FMNL2: variants seen among roughly 807,000 people sequenced by gnomAD.
FMNL2 encodes formin-like protein 2.
A neutral mutation model predicts 130.2 loss-of-function variants in FMNL2; 51 were observed. That is an observed-to-expected ratio of 0.39 (90% CI 0.31 to 0.49). The LOEUF (loss-of-function observed/expected upper bound fraction) is 0.49, where lower values mean the gene tolerates loss of function less well. Ranked by LOEUF, FMNL2 falls within the 20% of genes least tolerant of loss-of-function variation. The pLI is 0.85. For missense variants in FMNL2, 977 were observed against 1,316.2 expected, an observed-to-expected ratio of 0.74 and a Z score of 3.99; for synonymous variants, 465 against 467.1, an observed-to-expected ratio of 1.00 and a Z score of 0.06.
At chr2:152,637,080 T>G (rs1019984241) in intron 22 of FMNL2, among the ~76,000 whole-genome samples, 18 of 152,200 alleles carry the variant, frequency 1.2e-4, no homozygotes, top group African/African-American at 4.1e-4. Context: ...TGGAAGGGCC[T>G]CTGGTTTGGG....
intron 1 of FMNL2, among the ~76,000 whole-genome samples, chr2:152,406,549 G>A (rs1239496252): frequency 6.6e-6 from 1 of 152,130 alleles, no homozygotes; most frequent in African/African-American, 2.4e-5. Context: ...TCCTTCTACA[G>A]CCCACACTTT....
At chr2:152,489,718 A>G (rs1691035234) in intron 1 of FMNL2, among the ~76,000 whole-genome samples, 2 of 152,110 alleles carry the variant, frequency 1.3e-5, no homozygotes, top group African/African-American at 4.8e-5. Flanking sequence ...TAAACTTCCT[A>G]CCTTATACAT....
chr2:152,493,070 C>G (rs1691303615), intron 1 of FMNL2, among the ~76,000 whole-genome samples: 1 of 151,948 alleles, frequency 6.6e-6, no homozygotes, highest in East Asian at 1.9e-4. Context: ...AAGTGAAATC[C>G]CAAGGGGTAC....
chr2:152,335,881 A>C (rs1219756415), intron 1 of FMNL2, among the ~76,000 whole-genome samples, 161 bp downstream of exon 1: 1 of 134,582 alleles, frequency 7.4e-6, no homozygotes, highest in Non-Finnish European at 1.6e-5. Flanking sequence ...ACTCCTCTTC[A>C]CCCCCCTGGC....
At chr2:152,373,287 A>C (rs1683987193) in intron 1 of FMNL2, among the ~76,000 whole-genome samples, 2 of 152,112 alleles carry the variant, frequency 1.3e-5, no homozygotes, top group Admixed American at 1.3e-4. Flanking sequence ...GGTATGGGTG[A>C]AGTCTGGTGG....
At chr2:152,516,060 A>G (rs545077623) in intron 1 of FMNL2, among the ~76,000 whole-genome samples, 16 of 152,296 alleles carry the variant, frequency 1.1e-4, no homozygotes, top group African/African-American at 3.4e-4. Context: ...GCACCGTCTC[A>G]TTAGAATTCA....
chr2:152,373,538 T>C (rs1210049793), intron 1 of FMNL2, among the ~76,000 whole-genome samples: 1 of 152,224 alleles, frequency 6.6e-6, no homozygotes, highest in Non-Finnish European at 1.5e-5. Flanking sequence ...AAGTCTCTGA[T>C]ATAAAGTGGC....
intron 1 of FMNL2, among the ~76,000 whole-genome samples, chr2:152,395,505 A>G (rs1216202974): frequency 6.6e-6 from 1 of 152,234 alleles, no homozygotes; most frequent in African/African-American, 2.4e-5. Flanking sequence ...AATGGTTCTC[A>G]GCTACTATCT....
At chr2:152,484,324 T>C (rs760048153) in intron 1 of FMNL2, among the ~76,000 whole-genome samples, 6 of 152,176 alleles carry the variant, frequency 3.9e-5, no homozygotes, top group Non-Finnish European at 7.4e-5. Flanking sequence ...TGCCATTTTC[T>C]CAATGAACAG....
intron 9 of FMNL2, among the ~76,000 whole-genome samples, chr2:152,584,083 T>G (rs1476818127): frequency 1.3e-5 from 2 of 152,164 alleles, no homozygotes; most frequent in Non-Finnish European, 2.9e-5. Flanking sequence ...CAGCTCAAAG[T>G]CTCTTAAATC....
chr2:152,463,307 A>G (rs1331225173), intron 1 of FMNL2, among the ~76,000 whole-genome samples: 1 of 152,136 alleles, frequency 6.6e-6, no homozygotes, highest in Non-Finnish European at 1.5e-5. Context: ...AATTAATTCA[A>G]CCCTCACAAC....
intron 1 of FMNL2, among the ~76,000 whole-genome samples, chr2:152,475,596 G>T (rs536906399): frequency 1.3e-5 from 2 of 151,966 alleles, no homozygotes; most frequent in African/African-American, 4.8e-5. Context: ...CCAGGTTCCC[G>T]CCATTCTCCT....
intron 2 of FMNL2, among the ~76,000 whole-genome samples, chr2:152,535,229 A>C (rs1293254566): frequency 6.6e-6 from 1 of 152,186 alleles, no homozygotes; most frequent in African/African-American, 2.4e-5. Context: ...AAACCTCTTG[A>C]AGTTACTACC....
chr2:152,444,701 A>C (rs986539272), intron 1 of FMNL2, among the ~76,000 whole-genome samples: 1 of 152,170 alleles, frequency 6.6e-6, no homozygotes, highest in Non-Finnish European at 1.5e-5. Flanking sequence ...GCCCTGTATG[A>C]TTTTAACATA....
chr2:152,354,890 G>C (rs1344923991), intron 1 of FMNL2, among the ~76,000 whole-genome samples: 1 of 152,058 alleles, frequency 6.6e-6, no homozygotes, highest in African/African-American at 2.4e-5. Context: ...TGTTTTTCTT[G>C]GTGCCCTATT....
intron 9 of FMNL2, among the ~76,000 whole-genome samples, chr2:152,595,503 G>T (rs558620186): frequency 6.6e-6 from 1 of 152,104 alleles, no homozygotes; most frequent in Non-Finnish European, 1.5e-5. Context: ...ATTTTTAGTA[G>T]AGACGGGGTT....
At chr2:152,558,624 T>C (rs1695354837) in intron 4 of FMNL2, 116 bp from the exon 5 acceptor site, 1 of 863,384 alleles carries the variant, frequency 1.2e-6, no homozygotes, top group East Asian at 2.6e-5. Context: ...CCTCCCTATG[T>C]CCTTTCAGGC....
At chr2:152,485,263 C>T (rs1361117142) in intron 1 of FMNL2, among the ~76,000 whole-genome samples, 14 of 152,126 alleles carry the variant, frequency 9.2e-5, no homozygotes, top group African/African-American at 3.4e-4. Context: ...GAGGCCAAGG[C>T]GGGCAGATCA....
chr2:152,587,547 G>A (rs1697152475), intron 9 of FMNL2, among the ~76,000 whole-genome samples: 2 of 152,178 alleles, frequency 1.3e-5, no homozygotes, highest in South Asian at 4.1e-4. Flanking sequence ...AGATAAAAAA[G>A]ATAGTTTTTA....
Sources: allele counts gnomAD v4.1 joint callset (sites outside exome capture counted in the v4.1 genomes callset), GRCh38; gene constraint gnomAD v4.1.1; transcripts MANE v1.5; gene names NCBI Gene and HGNC (gene_info 2026-07-23, HGNC 2026-07-21).